The following TRABD2B variants were observed in gnomAD, a reference collection of about 807,000 sequenced individuals.
TRABD2B encodes TraB domain containing 2B, also known as metalloprotease TIKI2.
Under a neutral mutation model 40.1 loss-of-function variants are expected in TRABD2B, and 14 were observed. The observed-to-expected ratio is 0.35, with a 90% CI of 0.23 to 0.55. The LOEUF is 0.55. Among genes scored for constraint, TRABD2B ranks in the 20% least tolerant of loss-of-function variants. The pLI is 0.90. For synonymous variants in TRABD2B, 263 were observed against 277.0 expected (o/e 0.95, Z 0.50); for missense variants, 541 against 648.6 (o/e 0.83, Z 1.80).
chr1:47,957,941 G>A (rs557876076), intron 2 of TRABD2B, among the ~76,000 whole-genome samples: 1 of 152,340 alleles, frequency 6.6e-6, no homozygotes, highest in African/African-American at 2.4e-5. Context: ...GGGAAGAAAT[G>A]TTAAGGGCAG....
rs544230828 is a variant in TRABD2B at position 47,887,855 on chromosome 1, C to T, written c.667-86236G>A. Among the ~76,000 whole-genome samples the T allele has an allele frequency of 1.2e-3, 177 of 152,338 alleles. 1 individual carries two copies. The highest frequency in any genetic ancestry group is 2.2e-3 in the Non-Finnish European group (152 of 68,032). Reference sequence around the variant, plus strand: ...CCTGGGTGCTCCCCGCCACCCCTGACAGCTTCCTCTCTCATTAGGATCTCT... The same window carrying T: ...CCTGGGTGCTCCCCGCCACCCCTGATAGCTTCCTCTCTCATTAGGATCTCT... On this transcript the variant is annotated intron_variant, in intron 2 of 6. Coordinates refer to ENST00000606738, the MANE Select transcript of TRABD2B (RefSeq NM_001194986.2).
At chr1:47,805,410 T>C (rs1326081155) in intron 2 of TRABD2B, among the ~76,000 whole-genome samples, 1 of 152,146 alleles carries the variant, frequency 6.6e-6, no homozygotes, top group Non-Finnish European at 1.5e-5. Context: ...AGGAGTGTGG[T>C]GGGGCCAGGA....
intron 6 of TRABD2B, among the ~76,000 whole-genome samples, chr1:47,770,896 C>T (rs1027122300): frequency 2.6e-5 from 4 of 152,190 alleles, no homozygotes; most frequent in African/African-American, 4.8e-5. Context: ...CAACTGTTAC[C>T]GAGTGTTACT....
At chr1:47,799,903 C>T (rs1325163506) in intron 3 of TRABD2B, among the ~76,000 whole-genome samples, 1 of 152,196 alleles carries the variant, frequency 6.6e-6, no homozygotes, top group African/African-American at 2.4e-5. Flanking sequence ...ATCCTCATAG[C>T]AAGGATCACA....
chr1:47,990,040 C>T (rs1645978401), intron 2 of TRABD2B, among the ~76,000 whole-genome samples: 1 of 152,180 alleles, frequency 6.6e-6, no homozygotes, highest in Non-Finnish European at 1.5e-5. Context: ...CAGCACCCTG[C>T]ATAGAGACAA....
chr1:47,874,653 G>T (rs1437548174), intron 2 of TRABD2B, among the ~76,000 whole-genome samples: 1 of 149,058 alleles, frequency 6.7e-6, no homozygotes, highest in Non-Finnish European at 1.5e-5. Context: ...CTGAAGCTTT[G>T]AACTCTTGGG....
chr1:47,963,429 C>G (rs1371145503), intron 2 of TRABD2B, among the ~76,000 whole-genome samples: 1 of 152,218 alleles, frequency 6.6e-6, no homozygotes, highest in Non-Finnish European at 1.5e-5. Context: ...GGAGCTGCCT[C>G]TTAGGGACCA....
intron 2 of TRABD2B, among the ~76,000 whole-genome samples, chr1:47,808,133 AG>A (rs1391759270): frequency 6.6e-6 from 1 of 152,196 alleles, no homozygotes; most frequent in Non-Finnish European, 1.5e-5. Context: ...GCTCAGTTGA[AG>A]GCCTTACTAG....
At chr1:47,909,945 C>T (rs2124702764) in intron 2 of TRABD2B, among the ~76,000 whole-genome samples, 1 of 151,930 alleles carries the variant, frequency 6.6e-6, no homozygotes, top group South Asian at 2.1e-4. Context: ...CTGCAACCTC[C>T]ACCTTGTGGG....
intron 2 of TRABD2B, among the ~76,000 whole-genome samples, chr1:47,856,635 C>T (rs1174149046): frequency 6.6e-6 from 1 of 152,198 alleles, no homozygotes; most frequent in Non-Finnish European, 1.5e-5. Flanking sequence ...AAGTGGACCA[C>T]TTCACTCCAA....
intron 2 of TRABD2B, among the ~76,000 whole-genome samples, chr1:47,908,900 A>G (rs1470555077): frequency 6.6e-6 from 1 of 152,258 alleles, no homozygotes; most frequent in Non-Finnish European, 1.5e-5. Flanking sequence ...CCCCGAAGAC[A>G]TAGCGGACTT....
At chr1:47,972,973 C>T (rs780939946) in intron 2 of TRABD2B, among the ~76,000 whole-genome samples, 15 of 152,082 alleles carry the variant, frequency 9.9e-5, no homozygotes, top group Non-Finnish European at 1.6e-4. Context: ...CTGGACATGC[C>T]CCCACACACT....
At position 47,997,302 on chromosome 1, in the gene TRABD2B, C is replaced by G; in HGVS notation, c.-513G>C. 2 of 866,444 alleles carry G rather than the reference C, an allele frequency of 2.3e-6. No homozygotes were observed. 53.7% of individuals were successfully genotyped at this position (866,444 alleles called of 1,614,324 possible). ...CTGGGGCGACCGGCTGCCCCCGAGC[C>G]CGGCTCAGAGGGGCGGCGGGCGGCC... is the stretch of plus-strand genomic sequence containing the variant. On this transcript the variant is annotated 5_prime_UTR_variant, in exon 1 of 7. Coordinates refer to ENST00000606738, the MANE Select transcript of TRABD2B (RefSeq NM_001194986.2).
chr1:47,865,640 A>G (rs1644044632), intron 2 of TRABD2B, among the ~76,000 whole-genome samples: 1 of 152,184 alleles, frequency 6.6e-6, no homozygotes, highest in Non-Finnish European at 1.5e-5. Context: ...CCAGCTCCAG[A>G]GAGGTTCTCA....
intron 3 of TRABD2B, among the ~76,000 whole-genome samples, chr1:47,797,477 G>A (rs763215359): frequency 5.9e-5 from 9 of 152,256 alleles, no homozygotes; most frequent in Admixed American, 3.3e-4. Flanking sequence ...ACCTGAACAC[G>A]GGTCCAGCCC....
chr1:47,802,255 T>C (rs542755937), intron 2 of TRABD2B, among the ~76,000 whole-genome samples: 1 of 152,326 alleles, frequency 6.6e-6, no homozygotes, highest in African/African-American at 2.4e-5. Flanking sequence ...ACTGACAAAA[T>C]GTCAGATGCC....
chr1:47,890,227 A>C (rs982889979), intron 2 of TRABD2B, among the ~76,000 whole-genome samples: 7 of 152,250 alleles, frequency 4.6e-5, no homozygotes, highest in African/African-American at 1.7e-4. Flanking sequence ...TAACTACAAC[A>C]GACTTGGGTA....
At chr1:47,931,744 G>C (rs1645042858) in intron 2 of TRABD2B, among the ~76,000 whole-genome samples, 1 of 152,142 alleles carries the variant, frequency 6.6e-6, no homozygotes, top group Non-Finnish European at 1.5e-5. Context: ...GGATGCTACA[G>C]ACAGCAAAAT....
At chr1:47,869,851 A>G (rs1026651642) in intron 2 of TRABD2B, among the ~76,000 whole-genome samples, 1 of 152,186 alleles carries the variant, frequency 6.6e-6, no homozygotes, top group Non-Finnish European at 1.5e-5. Context: ...CCACGGAGGC[A>G]GCTGGGGCTG....
Sources: allele counts gnomAD v4.1 joint callset (sites outside exome capture counted in the v4.1 genomes callset), GRCh38; gene constraint gnomAD v4.1.1; transcripts MANE v1.5; gene names NCBI Gene and HGNC (gene_info 2026-07-23, HGNC 2026-07-21).